Variants in EPHA10 observed in about 807,000 individuals in gnomAD.
EPHA10 encodes EPH receptor A10.
EPHA10 carries 120 observed loss-of-function variants against 109.7 expected under a neutral mutation model. The ratio of observed to expected loss-of-function variants is 1.09; its 90% CI spans 0.94 to 1.27. EPHA10 has a LOEUF of 1.27. EPHA10 is among the 50% of genes most tolerant of loss of function. The probability of loss-of-function intolerance (pLI) is 0.00; values close to 1 mark genes in which losing one functional copy is unlikely to be tolerated. For missense variants in EPHA10, 1,396 were observed against 1,411.1 expected, an observed-to-expected ratio of 0.99 and a Z score of 0.17; for synonymous variants, 640 against 618.9, an observed-to-expected ratio of 1.03 and a Z score of -0.51.
rs370268519 is a variant in EPHA10 at position 37,719,438 on chromosome 1, T to C, written c.2732A>G (p.Lys911Arg). The change falls in exon 15 of 17, where the codon AAG (lysine) becomes AGG (arginine). Residue 911 changes from lysine (K) to arginine (R), a missense_variant. By Grantham distance (26) the Lys-to-Arg change is conservative. Coordinates refer to ENST00000373048, the MANE Select transcript of EPHA10 (RefSeq NM_001099439.2). ...SKMVQDPEPP[K>R]CALTTCPRPP... ...CCTGGGACAGGTAGTCAGGGCACAC[T>C]TGGGGGGCTCTGGGTCCTGCACCAT... 54 of 1,613,350 alleles carry C rather than the reference T, an allele frequency of 3.3e-5. No individual in the cohort carries two copies. Among genetic ancestry groups the C allele is most frequent in the Non-Finnish European group, 4.2e-5 (49 of 1,179,976 alleles).
At chr1:37,750,658 C>A (rs986704725) in intron 5 of EPHA10, among the ~76,000 whole-genome samples, 2 of 151,792 alleles carry the variant, frequency 1.3e-5, no homozygotes, top group Admixed American at 6.6e-5. Flanking sequence ...TCACTCGCTG[C>A]AGCCTCAAAC....
At chr1:37,733,458 G>A (rs984084583) in intron 6 of EPHA10, among the ~76,000 whole-genome samples, 2 of 152,074 alleles carry the variant, frequency 1.3e-5, no homozygotes, top group Non-Finnish European at 2.9e-5. Flanking sequence ...GCCTCAAGCC[G>A]TCCTCCCGTC....
chr1:37,731,779 C>G (rs1353688610), intron 6 of EPHA10, among the ~76,000 whole-genome samples, 197 bp from the exon 7 acceptor site: 1 of 152,326 alleles, frequency 6.6e-6, no homozygotes, highest in East Asian at 1.9e-4. Context: ...TCACCACAAG[C>G]ACCCACCCAC....
chr1:37,726,586 T>A (rs143691178), intron 8 of EPHA10, among the ~76,000 whole-genome samples: 220 of 152,346 alleles, frequency 1.4e-3, no homozygotes, highest in African/African-American at 5.0e-3. Context: ...AAGCTCTATG[T>A]CTTCCTCCTA....
chr1:37,728,136 A>T (rs1225820857), intron 7 of EPHA10, among the ~76,000 whole-genome samples: 1 of 152,198 alleles, frequency 6.6e-6, no homozygotes, highest in African/African-American at 2.4e-5. Flanking sequence ...AGGATTTTTG[A>T]TGGTGCTTTG....
intron 8 of EPHA10, among the ~76,000 whole-genome samples, chr1:37,725,613 G>A (rs1245283206): frequency 1.3e-5 from 2 of 151,862 alleles, no homozygotes; most frequent in African/African-American, 2.4e-5. Context: ...TCCAAGAACC[G>A]AGGGGCAAGG....
At chr1:37,742,430 A>C (rs1010812675) in intron 5 of EPHA10, among the ~76,000 whole-genome samples, 4 of 152,242 alleles carry the variant, frequency 2.6e-5, no homozygotes, top group Non-Finnish European at 4.4e-5. Flanking sequence ...AGCTGGGGAC[A>C]GGGGATTCAG....
At chr1:37,750,316 G>A (rs911933546) in intron 5 of EPHA10, among the ~76,000 whole-genome samples, 4 of 151,940 alleles carry the variant, frequency 2.6e-5, no homozygotes, top group South Asian at 2.1e-4. Flanking sequence ...AAGAAAGATG[G>A]AAAAAAAGAA....
Position 37,764,304 on chromosome 1 carries a change from C to T in EPHA10, c.106+657G>A, listed in dbSNP as rs1053185196. On this transcript the variant is annotated intron_variant, in intron 1 of 16. Transcript: ENST00000373048. This position sits in a 1 kb window ranked among gnomAD's most constrained non-coding sequence, Gnocchi z 5.8. Reference sequence around the variant, plus strand: ...GCGGTCAACGCCTCAGATTCCAGCTCCTCCGGATTCTGCACCTAGATATGA... The same window carrying T: ...GCGGTCAACGCCTCAGATTCCAGCTTCTCCGGATTCTGCACCTAGATATGA... 5.9e-5 allele frequency among the ~76,000 whole-genome samples: 9 copies of T among 152,208 alleles called. No homozygotes were observed. Among genetic ancestry groups the T allele is most frequent in the Admixed American group, 5.9e-4 (9 of 15,288 alleles).
rs1317017413 is a variant in EPHA10, at chr1:37,762,062, C to A, written c.193G>T (p.Asp65Tyr). Residue 65 changes from aspartate to tyrosine, a missense_variant, in exon 3 of 17, where the codon GAT (aspartate) becomes TAT (tyrosine). Coordinates refer to ENST00000373048, the MANE Select transcript of EPHA10 (RefSeq NM_001099439.2). ...GTGCGGATGGGACGGTCGTGTTCAT[C>A]CACGCCGCTGATCTCCTCCCACTGG... Reference protein sequence around the residue: ...SNGWEEISGVDEHDRPIRTYQ... With the variant: ...SNGWEEISGVYEHDRPIRTYQ... 2 of 1,594,144 alleles carry A rather than the reference C, an allele frequency of 1.3e-6. No individual in the cohort carries two copies. The highest frequency in any genetic ancestry group is 2.7e-5 in the African/African-American group (2 of 74,636).
intron 3 of EPHA10, among the ~76,000 whole-genome samples, chr1:37,755,725 A>G (rs926956930): frequency 6.6e-6 from 1 of 152,178 alleles, no homozygotes; most frequent in Non-Finnish European, 1.5e-5. Flanking sequence ...CATTTTCACA[A>G]TAATGATAGT....
At chr1:37,742,249 T>TC (rs1646166276) in intron 5 of EPHA10, among the ~76,000 whole-genome samples, 1 of 152,142 alleles carries the variant, frequency 6.6e-6, no homozygotes, top group African/African-American at 2.4e-5. Flanking sequence ...AACAGCCTTG[T>TC]CCCCCTTTCC....
chr1:37,727,280 C>T, intron 7 of EPHA10, 70 bp from the exon 8 acceptor site: 1 of 1,249,092 alleles, frequency 8.0e-7, no homozygotes, highest in Non-Finnish European at 1.1e-6. Flanking sequence ...GGGCAGACTC[C>T]TGTCCTCACC....
rs113973049 is a variant in EPHA10, at chr1:37,748,327, C to A, written c.1357+4549G>T. On this transcript the variant is annotated intron_variant, in intron 5 of 16. Coordinates refer to ENST00000373048, the MANE Select transcript of EPHA10 (RefSeq NM_001099439.2). ...TGAGCTGAGATGGTGCCATTGCATT[C>A]CAGCCTGGGCGACAGAGACTCCATC... Among the ~76,000 whole-genome samples the A allele has an allele frequency of 2.7e-3, 404 of 152,236 alleles. 4 individuals are homozygous for A. Among genetic ancestry groups the A allele is most frequent in the Admixed American group, 1.3e-3 (20 of 15,290 alleles).
intron 13 of EPHA10, 27 bp from the exon 14 acceptor site, chr1:37,720,085 AG>A: frequency 6.2e-7 from 1 of 1,611,918 alleles, no homozygotes; most frequent in Non-Finnish European, 8.5e-7. Context: ...GTCAGGGGCA[AG>A]GAGGAACTGG....
chr1:37,721,043 C>A (rs1645785918), intron 11 of EPHA10, among the ~76,000 whole-genome samples, 199 bp from the exon 12 acceptor site: 1 of 152,004 alleles, frequency 6.6e-6, no homozygotes, highest in African/African-American at 2.4e-5. Context: ...TGAACAAAGT[C>A]CAAGGTCATG....
chr1:37,721,976 C>G, intron 10 of EPHA10, 131 bp from the exon 11 acceptor site: 1 of 889,310 alleles, frequency 1.1e-6, no homozygotes, highest in Non-Finnish European at 1.6e-6. Context: ...ACTAAAAATA[C>G]AAAAATTAAC....
chr1:37,718,665 C>T lies in EPHA10; in HGVS notation c.2908G>A (p.Ala970Thr). 1.2e-6 allele frequency: 2 copies of T among 1,613,200 alleles called. No individual in the cohort carries two copies. The highest frequency in any genetic ancestry group is 1.7e-5 in the Admixed American group (1 of 60,036). Residue 970 changes from alanine to threonine, a missense_variant, in exon 16 of 17, where the codon GCC (alanine) becomes ACC (threonine). Ala to Thr is a moderately conservative substitution (Grantham distance 58). Coordinates refer to ENST00000373048, the MANE Select transcript of EPHA10 (RefSeq NM_001099439.2). ...GSLEAVAEMT[A>T]QDLVSLGISL... ...ACCTTGGTGCCTTGGACTCACTGGGCAGTCATCTCGGCCACGGCCTCCAGG... is the reference window on the plus strand; with the variant it reads ...ACCTTGGTGCCTTGGACTCACTGGGTAGTCATCTCGGCCACGGCCTCCAGG...
At chr1:37,763,971 C>G (rs1646454912) in intron 1 of EPHA10, among the ~76,000 whole-genome samples, 1 of 152,300 alleles carries the variant, frequency 6.6e-6, no homozygotes, top group East Asian at 1.9e-4. Context: ...ACCAGAGAAG[C>G]TTGAAGTCCC....
Sources: allele counts gnomAD v4.1 joint callset (sites outside exome capture counted in the v4.1 genomes callset), GRCh38; gene constraint gnomAD v4.1.1; non-coding constraint Gnocchi (gnomAD v3.1); transcripts MANE v1.5; gene names NCBI Gene and HGNC (gene_info 2026-07-23, HGNC 2026-07-21).